The following RCAN2 variants were observed in gnomAD, a reference collection of about 807,000 sequenced individuals.
RCAN2 encodes the protein calcipressin-2.
A neutral mutation model predicts 23.6 loss-of-function variants in RCAN2; 9 were observed. That is an observed-to-expected ratio of 0.38 (90% confidence interval 0.23 to 0.67). The LOEUF (loss-of-function observed/expected upper bound fraction) is 0.67. Among genes scored for constraint, RCAN2 ranks in the 30% least tolerant of loss-of-function variants. The pLI, the probability that RCAN2 is intolerant of heterozygous loss-of-function variation, is 0.51. For missense variants in RCAN2, 273 were observed against 302.3 expected (o/e 0.90, Z 0.72); for synonymous variants, 109 against 115.7 (o/e 0.94, Z 0.37).
intron 2 of RCAN2, among the ~76,000 whole-genome samples, chr6:46,359,569 T>C (rs1010214934): frequency 2.0e-5 from 3 of 152,228 alleles, no homozygotes; most frequent in African/African-American, 7.2e-5. Flanking sequence ...CAACTGTTTA[T>C]ATTTTATGAA....
chr6:46,280,883 G>C (rs1032816958), intron 2 of RCAN2, among the ~76,000 whole-genome samples: 2 of 151,952 alleles, frequency 1.3e-5, no homozygotes, highest in African/African-American at 2.4e-5. Flanking sequence ...GTGTGTAGGG[G>C]TGTGTGTGTG....
At chr6:46,364,618 C>A (rs1204962577) in intron 2 of RCAN2, among the ~76,000 whole-genome samples, 1 of 152,178 alleles carries the variant, frequency 6.6e-6, no homozygotes, top group Non-Finnish European at 1.5e-5. Context: ...ACAAATTCAT[C>A]ATTTAGTCTT....
chr6:46,223,394 T>A lies in RCAN2; in HGVS notation c.572-93A>T. 3.3e-6 allele frequency: 4 copies of A among 1,210,264 alleles called. No homozygotes were observed. In the South Asian group the frequency reaches 5.6e-5, roughly 17 times the overall value. 75.0% of individuals were successfully genotyped at this position (1,210,264 alleles called of 1,614,324 possible). A position where few individuals can be genotyped will look rare whatever the true frequency, so the allele number is the denominator to read the frequency against. On this transcript the variant is annotated intron_variant, in intron 4 of 4. Transcript: ENST00000371374. ...TGCTTAGGAAATGACAGGAGCATTT[T>A]CCAGGGTCTCAGGAAGCCTGTGATC...
chr6:46,395,253 G>A (rs1582167364), intron 2 of RCAN2, among the ~76,000 whole-genome samples: 1 of 152,190 alleles, frequency 6.6e-6, no homozygotes, highest in Non-Finnish European at 1.5e-5. Flanking sequence ...CATGAGACAT[G>A]ATAGGGTAAG....
chr6:46,344,040 G>A (rs1383280429), intron 2 of RCAN2, among the ~76,000 whole-genome samples: 8 of 152,170 alleles, frequency 5.3e-5, no homozygotes, highest in Non-Finnish European at 8.8e-5. Flanking sequence ...TGGTTGCCTG[G>A]AACTGGGAGT....
intron 2 of RCAN2, among the ~76,000 whole-genome samples, chr6:46,317,503 C>T (rs1226803879): frequency 6.6e-6 from 1 of 151,990 alleles, no homozygotes; most frequent in African/African-American, 2.4e-5. Context: ...TCTCTGTCGC[C>T]CAGGCTGGAG....
At chr6:46,347,845 G>A (rs1388588946) in intron 2 of RCAN2, among the ~76,000 whole-genome samples, 3 of 152,148 alleles carry the variant, frequency 2.0e-5, no homozygotes, top group Non-Finnish European at 4.4e-5. Context: ...TCTCACATCC[G>A]GTATTTGGGT....
chr6:46,255,936 G>A (rs1766897265), intron 2 of RCAN2, among the ~76,000 whole-genome samples: 1 of 152,194 alleles, frequency 6.6e-6, no homozygotes, highest in Admixed American at 6.5e-5. Context: ...CTAGCAATGT[G>A]TAATTGCGAG....
chr6:46,259,807 T>G (rs1462721906), intron 2 of RCAN2, among the ~76,000 whole-genome samples: 1 of 152,188 alleles, frequency 6.6e-6, no homozygotes, highest in Admixed American at 6.5e-5. Context: ...GTTCGATCAT[T>G]TGCTATAATG....
chr6:46,464,609 G>T (rs1768319982), intron 1 of RCAN2, among the ~76,000 whole-genome samples: 1 of 152,174 alleles, frequency 6.6e-6, no homozygotes, highest in Non-Finnish European at 1.5e-5. Context: ...ATGCTCCATA[G>T]AAACCCATTA....
chr6:46,255,603 T>G (rs1010272694), intron 2 of RCAN2, among the ~76,000 whole-genome samples: 54 of 150,900 alleles, frequency 3.6e-4, no homozygotes, highest in African/African-American at 1.1e-3. Context: ...GATGACAGGG[T>G]GAGGATGATG....
At chr6:46,440,994 A>T (rs576151618) in intron 2 of RCAN2, among the ~76,000 whole-genome samples, 1 of 152,352 alleles carries the variant, frequency 6.6e-6, no homozygotes, top group East Asian at 1.9e-4. Flanking sequence ...TCTTCCTTCC[A>T]AATTCCATAG....
intron 2 of RCAN2, among the ~76,000 whole-genome samples, chr6:46,311,937 C>T (rs971011943): frequency 6.6e-6 from 1 of 152,168 alleles, no homozygotes; most frequent in Non-Finnish European, 1.5e-5. Context: ...ATATTCTCAG[C>T]CCCTCTTGTG....
chr6:46,411,094 G>A (rs1049630103), intron 2 of RCAN2, among the ~76,000 whole-genome samples: 1 of 152,218 alleles, frequency 6.6e-6, no homozygotes, highest in East Asian at 1.9e-4. Flanking sequence ...AGATCATATA[G>A]AATAGCCGAT....
chr6:46,475,975 A>AAG (rs1358371700), intron 1 of RCAN2, among the ~76,000 whole-genome samples: 3 of 152,208 alleles, frequency 2.0e-5, no homozygotes, highest in Non-Finnish European at 4.4e-5. Flanking sequence ...TTTGAAGCCA[A>AAG]AGATGGAACA....
At chr6:46,490,366 G>A (rs1163603726) in intron 1 of RCAN2, among the ~76,000 whole-genome samples, 6 of 152,206 alleles carry the variant, frequency 3.9e-5, no homozygotes, top group Admixed American at 3.9e-4. Flanking sequence ...CCCATTGTAA[G>A]AAACAGGAAA....
intron 2 of RCAN2, among the ~76,000 whole-genome samples, chr6:46,375,366 C>T (rs1211238729): frequency 4.6e-5 from 7 of 152,302 alleles, no homozygotes; most frequent in Middle Eastern, 3.4e-3. Context: ...GCCTCCTCTT[C>T]AAATCCTACC....
At chr6:46,275,477 T>G (rs373309063) in intron 2 of RCAN2, among the ~76,000 whole-genome samples, 8 of 152,210 alleles carry the variant, frequency 5.3e-5, no homozygotes, top group African/African-American at 7.2e-5. Context: ...GGCTCCACCA[T>G]CTTCTCTCAA....
chr6:46,406,007 G>C (rs1050465209), intron 2 of RCAN2, among the ~76,000 whole-genome samples: 1 of 152,230 alleles, frequency 6.6e-6, no homozygotes, highest in African/African-American at 2.4e-5. Flanking sequence ...CCACTGGCCC[G>C]GGTGCTAAGT....
Sources: gnomAD v4.1 joint callset for allele counts (sites outside exome capture counted in the v4.1 genomes callset) on GRCh38, gnomAD v4.1.1 for gene constraint, MANE v1.5 for transcripts, NCBI Gene and HGNC (gene_info 2026-07-23, HGNC 2026-07-21) for gene names.